Variants in TBL1X observed in about 807,000 individuals in gnomAD.
TBL1X encodes the protein transducin beta like 1 X-linked, also known as F-box-like/WD repeat-containing protein TBL1X.
Under a neutral mutation model 50.7 loss-of-function variants are expected in TBL1X, and 10 were observed. The observed-to-expected ratio is 0.20, with a 90% CI of 0.12 to 0.33. The LOEUF (loss-of-function observed/expected upper bound fraction) is 0.33, where lower values mean the gene tolerates loss of function less well. Ranked by LOEUF, TBL1X falls within the 10% of genes least tolerant of loss-of-function variation. TBL1X has a pLI of 1.00. For synonymous variants in TBL1X, 190 were observed against 214.7 expected, an observed-to-expected ratio of 0.88 and a Z score of 1.01; for missense variants, 340 against 504.4, an observed-to-expected ratio of 0.67 and a Z score of 3.12.
Position 9,609,336 on chromosome X carries a change from GGTGTGT to G in TBL1X, c.-130-30904_-130-30899del, listed in dbSNP as rs775969638. On this transcript the variant is annotated intron_variant, in intron 2 of 17. Transcript: ENST00000645353. ...CATTTTGGTGGTGTGTTTTCTTCCAGGTGTGTGTGTGTGTGTGTGTGTGTGTGTGTG... is the reference window on the plus strand; with the variant it reads ...CATTTTGGTGGTGTGTTTTCTTCCAGGTGTGTGTGTGTGTGTGTGTGTGTG... 1.2e-3 allele frequency among the ~76,000 whole-genome samples: 117 copies of G among 94,759 alleles called. 1 individual carries two copies. The highest frequency in any genetic ancestry group is 3.9e-3 in the African/African-American group (96 of 24,637). 82.3% of individuals were successfully genotyped at this position (94,759 alleles called of 115,157 possible). A position where few individuals can be genotyped will look rare whatever the true frequency, so the allele number is the denominator to read the frequency against.
rs777389856 is a variant in TBL1X at position 9,688,151 on chromosome X, GGCGGCT to G, written c.498_503del (p.Ala167_Ala168del). On this transcript the variant is annotated inframe_deletion, in exon 7 of 18. Transcript: ENST00000645353. The stretch of plus-strand genomic sequence containing the variant: ...AGCAGCAAGCCAGTGCGGCGGCGGC[GGCGGCT>G]GCGGCCACGGCAGCAGCGACAGCAG... 1 of 1,198,462 alleles carries G rather than the reference GGCGGCT, an allele frequency of 8.3e-7. No homozygotes were observed. Among genetic ancestry groups the G allele is most frequent in the Non-Finnish European group, 1.1e-6 (1 of 889,155 alleles).
At position 9,556,607 on chromosome X, in the gene TBL1X, G is replaced by A. The variant is rs772459807; in HGVS notation, c.-131+54758G>A. ...AGGTCAAGACTGCAGTGAGCCATGCGAGTGCTCCAGCCTGGATGACAGAAC... is the reference window on the plus strand; with the variant it reads ...AGGTCAAGACTGCAGTGAGCCATGCAAGTGCTCCAGCCTGGATGACAGAAC... On this transcript the variant is annotated intron_variant, in intron 2 of 17. Transcript: ENST00000645353. Among the ~76,000 whole-genome samples the A allele has an allele frequency of 7.3e-5, 8 of 109,133 alleles. No individual in the cohort carries two copies. In the East Asian group the frequency reaches 1.4e-3, roughly 20 times the overall value. The allele number at this position is 109,133 out of a possible 115,157, so 94.8% of individuals were successfully genotyped here. A position where few individuals can be genotyped will look rare whatever the true frequency, so the allele number is the denominator to read the frequency against.
intron 1 of TBL1X, among the ~76,000 whole-genome samples, chrX:9,491,322 A>C: frequency 2.6e-5 from 1 of 37,870 alleles, no homozygotes; most frequent in African/African-American, 1.2e-4. Flanking sequence ...ATATATATAT[A>C]TATATATATA....
intron 2 of TBL1X, among the ~76,000 whole-genome samples, chrX:9,592,717 A>G (rs1309635885): frequency 2.7e-5 from 3 of 112,195 alleles, no homozygotes; most frequent in African/African-American, 9.7e-5. Flanking sequence ...GAGGAATCAT[A>G]TAACATTTAT....
chrX:9,499,277 C>T (rs1240878162), intron 1 of TBL1X, among the ~76,000 whole-genome samples: 1 of 111,871 alleles, frequency 8.9e-6, no homozygotes, highest in Non-Finnish European at 1.9e-5. Flanking sequence ...TGTCACCACC[C>T]CTGTCCATTG....
At chrX:9,536,380 A>G (rs1308353949) in intron 2 of TBL1X, among the ~76,000 whole-genome samples, 3 of 109,302 alleles carry the variant, frequency 2.7e-5, no homozygotes, top group Non-Finnish European at 5.7e-5. Flanking sequence ...CCTCCGGAGT[A>G]GCTGGGACTA....
intron 2 of TBL1X, among the ~76,000 whole-genome samples, chrX:9,592,505 G>A (rs1196289193): frequency 8.9e-6 from 1 of 111,830 alleles, no homozygotes; most frequent in East Asian, 2.8e-4. Flanking sequence ...ACATTTGTAA[G>A]TGTACAATTC....
intron 1 of TBL1X, among the ~76,000 whole-genome samples, chrX:9,479,938 ATGTG>A (rs112927270): frequency 1.9e-4 from 18 of 94,958 alleles, no homozygotes; most frequent in South Asian, 5.0e-4. Context: ...GGAAAGTAGA[ATGTG>A]TGTGTGTGTG....
intron 15 of TBL1X, among the ~76,000 whole-genome samples, chrX:9,711,252 G>A (rs1223194449): frequency 2.8e-5 from 3 of 107,935 alleles, no homozygotes; most frequent in African/African-American, 6.8e-5. Context: ...TGAGGCGGGA[G>A]GATCACTTGA....
At chrX:9,498,814 T>TC (rs925485045) in intron 1 of TBL1X, among the ~76,000 whole-genome samples, 1 of 112,287 alleles carries the variant, frequency 8.9e-6, no homozygotes, top group Non-Finnish European at 1.9e-5. Flanking sequence ...GAGCTTGGTT[T>TC]CCCCTTTGGG....
intron 5 of TBL1X, among the ~76,000 whole-genome samples, chrX:9,656,377 G>A (rs2082865177): frequency 8.9e-6 from 1 of 112,985 alleles, no homozygotes; most frequent in Non-Finnish European, 1.9e-5. Context: ...TGTCCGGTGT[G>A]AAGGACCACG....
chrX:9,647,681 C>T (rs1440795671), intron 3 of TBL1X, among the ~76,000 whole-genome samples: 2 of 111,962 alleles, frequency 1.8e-5, no homozygotes, highest in Non-Finnish European at 3.8e-5. Flanking sequence ...TGTTAGAATG[C>T]GGCTTGTGTC....
intron 1 of TBL1X, among the ~76,000 whole-genome samples, chrX:9,473,596 G>C (rs1034885867): frequency 8.9e-6 from 1 of 112,088 alleles, no homozygotes; most frequent in Non-Finnish European, 1.9e-5. Flanking sequence ...TTTCTTATTG[G>C]AACAGTGTTT....
intron 2 of TBL1X, among the ~76,000 whole-genome samples, chrX:9,595,297 G>C (rs183686291): frequency 1.8e-5 from 2 of 112,085 alleles, no homozygotes; most frequent in African/African-American, 6.5e-5. Context: ...CCCACATAGA[G>C]CTGGGAAAGG....
At chrX:9,468,841 GTTTTTA>G (rs982012325) in intron 1 of TBL1X, among the ~76,000 whole-genome samples, 2 of 110,787 alleles carry the variant, frequency 1.8e-5, no homozygotes, top group African/African-American at 6.6e-5. Flanking sequence ...TTCTCATTTA[GTTTTTA>G]TTTATTTGTT....
intron 1 of TBL1X, among the ~76,000 whole-genome samples, chrX:9,466,157 G>C (rs1008963088): frequency 1.8e-5 from 2 of 108,711 alleles, no homozygotes; most frequent in African/African-American, 6.6e-5. Context: ...ACCTGTTGCT[G>C]CTCCTGGGCT....
chrX:9,616,406 G>GA (rs758379428), intron 2 of TBL1X, among the ~76,000 whole-genome samples: 4 of 110,500 alleles, frequency 3.6e-5, no homozygotes, highest in South Asian at 7.6e-4. Context: ...TTTTTCTAAA[G>GA]AAAAAAAACA....
intron 12 of TBL1X, among the ~76,000 whole-genome samples, chrX:9,702,935 GGGTTACGAGA>G (rs1229563589): frequency 1.8e-5 from 2 of 111,558 alleles, no homozygotes; most frequent in Non-Finnish European, 3.8e-5. Flanking sequence ...GGGAAGCGCA[GGGTTACGAGA>G]GGTGGTCAGA....
In TBL1X at chrX:9,481,709, C is replaced by A. The variant is rs182513443; in HGVS notation, c.-201+16262C>A. On this transcript the variant is annotated intron_variant, in intron 1 of 17. Transcript: ENST00000645353. ...CTAAGTAAAGAATGTCACTTTCTGA[C>A]AGGTCCAGGAGCTCCAAGTTATCTT... is the stretch of plus-strand genomic sequence containing the variant. 7.6e-4 allele frequency among the ~76,000 whole-genome samples: 85 copies of A among 112,094 alleles called. No individual in the cohort carries two copies. In the East Asian group the frequency reaches 9.8e-3, roughly 13 times the overall value.
Sources: gnomAD v4.1 joint callset for allele counts (sites outside exome capture counted in the v4.1 genomes callset) on GRCh38, gnomAD v4.1.1 for gene constraint, MANE v1.5 for transcripts, NCBI Gene and HGNC (gene_info 2026-07-23, HGNC 2026-07-21) for gene names.